The following PAPPA variants were observed in gnomAD, a reference collection of about 807,000 sequenced individuals.
PAPPA encodes pappalysin-1.
A neutral mutation model predicts 164.0 loss-of-function variants in PAPPA; 60 were observed. The observed-to-expected ratio is 0.37, with a 90% CI of 0.30 to 0.45. PAPPA has a LOEUF of 0.45. Ranked by LOEUF, PAPPA falls within the 20% of genes least tolerant of loss-of-function variation. The pLI is 1.00. For missense variants in PAPPA, 1,782 were observed against 2,087.3 expected, an observed-to-expected ratio of 0.85 and a Z score of 2.85; for synonymous variants, 875 against 814.1, an observed-to-expected ratio of 1.07 and a Z score of -1.27.
At position 116,235,414 on chromosome 9, in the gene PAPPA, G is replaced by A. The variant is rs752166817; in HGVS notation, c.2509G>A (p.Val837Ile). 2 of 1,613,868 alleles carry A rather than the reference G, an allele frequency of 1.2e-6. No individual in the cohort carries two copies. Among genetic ancestry groups the A allele is most frequent in the South Asian group, 1.1e-5 (1 of 91,040 alleles). ...GGGTCCTCAGAATGTCTTCTGTGAT[G>A]TCCCACTGACCATCAGACTCTGGGA... ...SLGPQNVFCD[V>I]PLTIRLWDVG... The change falls in exon 7 of 22, where the codon GTC becomes ATC. Residue 837 changes from valine to isoleucine, a missense_variant. Around this residue, in one of 2 missense-constraint regions of PAPPA, gnomAD observed 1,324 missense variants for 1,656.9 expected, o/e 0.80. Transcript: ENST00000328252.
intron 9 of PAPPA, among the ~76,000 whole-genome samples, chr9:116,301,411 C>T (rs1157657491): frequency 6.6e-6 from 1 of 152,134 alleles, no homozygotes; most frequent in Non-Finnish European, 1.5e-5. Flanking sequence ...AAAATAGGCA[C>T]CCACACAGGA....
Position 116,334,249 on chromosome 9 carries a change from A to AAC in PAPPA, c.3398-611_3398-610insCA, listed in dbSNP as rs1846030587. On this transcript the variant is annotated intron_variant, in intron 12 of 21. Coordinates refer to ENST00000328252, the MANE Select transcript of PAPPA (RefSeq NM_002581.5). ...CCTGCTGGCTGCATTAAAAAAAAAA[A>AAC]AAAAAAAAAAACAGGGCTCTTGAGT... is the stretch of plus-strand genomic sequence containing the variant. 3.3e-5 allele frequency among the ~76,000 whole-genome samples: 5 copies of AAC among 150,974 alleles called. No homozygotes were observed. The South Asian group carries it at 8.4e-4, about 25-fold the overall frequency.
chr9:116,307,337 C>T lies in PAPPA; in HGVS notation c.3147+4387C>T, dbSNP rs533105984. 3.9e-5 allele frequency among the ~76,000 whole-genome samples: 6 copies of T among 152,242 alleles called. No individual in the cohort carries two copies. In the South Asian group the frequency reaches 6.2e-4, roughly 16 times the overall value. On this transcript the variant is annotated intron_variant, in intron 10 of 21. Transcript: ENST00000328252. ...AAACCAGGCCGGGCACGGTGGCTCACGCTTGTAATTCCAGCGCTTTGGGAG... is the reference window on the plus strand; with the variant it reads ...AAACCAGGCCGGGCACGGTGGCTCATGCTTGTAATTCCAGCGCTTTGGGAG...
rs1847009597 is a variant in PAPPA, at chr9:116,399,100, T to A, written c.*2484T>A. On this transcript the variant is annotated 3_prime_UTR_variant, in exon 22 of 22. Coordinates refer to ENST00000328252, the MANE Select transcript of PAPPA (RefSeq NM_002581.5). ...TGATTTCAGGAGCCACAGAAGAACC[T>A]TACCAGCTTCCCTCAAATCAGTCCT... 6.0e-6 allele frequency: 1 copy of A among 166,160 alleles called. No individual in the cohort carries two copies. Among genetic ancestry groups the A allele is most frequent in the Non-Finnish European group, 1.3e-5 (1 of 77,172 alleles). 10.3% of individuals were successfully genotyped at this position (166,160 alleles called of 1,614,324 possible). A position where few individuals can be genotyped will look rare whatever the true frequency, so the allele number is the denominator to read the frequency against.
chr9:116,354,244 C>G (rs996742253), intron 17 of PAPPA, among the ~76,000 whole-genome samples: 1 of 152,172 alleles, frequency 6.6e-6, no homozygotes, highest in Non-Finnish European at 1.5e-5. Context: ...GCAGAAGGAG[C>G]AAGGTTTGAA....
chr9:116,257,862 A>T (rs1844949930), intron 7 of PAPPA, among the ~76,000 whole-genome samples: 1 of 151,916 alleles, frequency 6.6e-6, no homozygotes, highest in South Asian at 2.1e-4. Context: ...TTTATATAAA[A>T]CTCAATTATT....
At chr9:116,213,769 A>G (rs1844338531) in intron 4 of PAPPA, among the ~76,000 whole-genome samples, 1 of 152,084 alleles carries the variant, frequency 6.6e-6, no homozygotes, top group Non-Finnish European at 1.5e-5. Flanking sequence ...GAACTAATTC[A>G]CTGAGCTACG....
chr9:116,237,999 A>G (rs1210978249), intron 7 of PAPPA, among the ~76,000 whole-genome samples: 11 of 152,136 alleles, frequency 7.2e-5, no homozygotes, highest in Admixed American at 7.2e-4. Flanking sequence ...GATTACAGGC[A>G]TGAGCCACTG....
intron 1 of PAPPA, among the ~76,000 whole-genome samples, chr9:116,161,958 G>A (rs185732103): frequency 7.2e-5 from 11 of 152,310 alleles, no homozygotes; most frequent in South Asian, 2.1e-4. Flanking sequence ...GGAGACCACC[G>A]TTTAGAGAGG....
rs539629848 is a variant in PAPPA at position 116,228,846 on chromosome 9, CAATTGT to C, written c.2233+1299_2233+1304del. Reference sequence around the variant, plus strand: ...TTTTTTAGGAAGTTCTCGAAATCTGCAATTGTAATTTTTCCACCCAAACTGAACCCA... The same window carrying C: ...TTTTTTAGGAAGTTCTCGAAATCTGCAATTTTTCCACCCAAACTGAACCCA... On this transcript the variant is annotated intron_variant, in intron 6 of 21. Coordinates refer to ENST00000328252, the MANE Select transcript of PAPPA (RefSeq NM_002581.5). Among the ~76,000 whole-genome samples, 6 of 152,160 alleles carry C rather than the reference CAATTGT, an allele frequency of 3.9e-5. No homozygotes were observed. In the South Asian group the frequency reaches 1.2e-3, roughly 32 times the overall value.
At chr9:116,380,969 ATGT>A (rs1227328455) in intron 20 of PAPPA, among the ~76,000 whole-genome samples, 5 of 152,344 alleles carry the variant, frequency 3.3e-5, no homozygotes, top group African/African-American at 9.6e-5. Flanking sequence ...TCTTAAACAA[ATGT>A]TGTCTCTTTC....
At chr9:116,301,691 A>G (rs916518346) in intron 9 of PAPPA, among the ~76,000 whole-genome samples, 2 of 152,220 alleles carry the variant, frequency 1.3e-5, no homozygotes, top group Non-Finnish European at 2.9e-5. Context: ...CATTCCAAAC[A>G]GAAGCACTTG....
intron 21 of PAPPA, among the ~76,000 whole-genome samples, chr9:116,387,590 G>T (rs1846832522): frequency 1.3e-5 from 2 of 152,118 alleles, no homozygotes; most frequent in African/African-American, 4.8e-5. Flanking sequence ...GCCCAGACTG[G>T]TCTTGAACTC....
chr9:116,383,274 G>A (rs1846757269), intron 21 of PAPPA, among the ~76,000 whole-genome samples: 1 of 152,208 alleles, frequency 6.6e-6, no homozygotes, highest in African/African-American at 2.4e-5. Context: ...GGGCTGAGAA[G>A]CGTTCTTGTG....
chr9:116,210,797 G>A (rs1844296629), intron 3 of PAPPA, among the ~76,000 whole-genome samples: 1 of 152,174 alleles, frequency 6.6e-6, no homozygotes, highest in South Asian at 2.1e-4. Flanking sequence ...GGTCTGGGGT[G>A]AGGCCCGAGA....
At chr9:116,350,867 A>G (rs1335852985) in intron 15 of PAPPA, among the ~76,000 whole-genome samples, 1 of 152,248 alleles carries the variant, frequency 6.6e-6, no homozygotes, top group Non-Finnish European at 1.5e-5. Context: ...TACTCTTTTT[A>G]CTTGATGTTA....
intron 1 of PAPPA, among the ~76,000 whole-genome samples, chr9:116,181,588 G>C (rs1474049461): frequency 6.6e-6 from 1 of 152,158 alleles, no homozygotes; most frequent in Non-Finnish European, 1.5e-5. Flanking sequence ...ATGAAATTTG[G>C]TGGAACACAA....
At chr9:116,343,741 T>TTTTA (rs1224868226) in intron 13 of PAPPA, among the ~76,000 whole-genome samples, 15,059 of 142,132 alleles carry the variant, frequency 0.11, 970 homozygotes, top group African/African-American at 0.16. Flanking sequence ...TACCACTTAT[T>TTTTA]TTTATTTATT....
At chr9:116,226,805 T>C (rs1844516422) in intron 5 of PAPPA, among the ~76,000 whole-genome samples, 1 of 152,206 alleles carries the variant, frequency 6.6e-6, no homozygotes, top group African/African-American at 2.4e-5. Flanking sequence ...CATTGAGGGA[T>C]TGGCTAGCCC....
Sources: gnomAD v4.1 joint callset for allele counts (sites outside exome capture counted in the v4.1 genomes callset) on GRCh38, gnomAD v4.1.1 for gene constraint, gnomAD v4.1.1 regional missense constraint, MANE v1.5 for transcripts, NCBI Gene and HGNC (gene_info 2026-07-23, HGNC 2026-07-21) for gene names.